The following LRIT1 variants were observed in gnomAD, a reference collection of about 807,000 sequenced individuals.
LRIT1 encodes the protein leucine rich repeat, Ig-like and transmembrane domains 1.
A neutral mutation model predicts 24.0 loss-of-function variants in LRIT1; 23 were observed. The ratio of observed to expected loss-of-function variants is 0.96; its 90% CI spans 0.69 to 1.36. LRIT1 has a LOEUF of 1.36. Among genes scored for constraint, LRIT1 ranks in the 40% most tolerant of loss-of-function variants. LRIT1 has a pLI of 0.00. For synonymous variants in LRIT1, 361 were observed against 340.5 expected (o/e 1.06, Z -0.66); for missense variants, 846 against 806.3 (o/e 1.05, Z -0.60).
In LRIT1 at chr10:84,232,077, T is replaced by C. The variant is rs1216735933; in HGVS notation, c.1722A>G (p.Leu574=). 1 of 1,614,192 alleles carries C rather than the reference T, an allele frequency of 6.2e-7. No individual in the cohort carries two copies. Among genetic ancestry groups the C allele is most frequent in the Non-Finnish European group, 8.5e-7 (1 of 1,180,032 alleles). The change falls in exon 4 of 4, where the codon CTA becomes CTG. Residue 574 remains leucine (L), a synonymous_variant. Transcript: ENST00000372105. Reference sequence around the variant, plus strand: ...CGTCCTCGCTGTAGCCCAGTCTCTCTAGGTTGACGTAGGTAACTGTGGCCT... The same window carrying C: ...CGTCCTCGCTGTAGCCCAGTCTCTCCAGGTTGACGTAGGTAACTGTGGCCT... ...STEATVTYVN[L]ERLGYSEDGL...
At chr10:84,237,766 C>G (rs1842664546) in intron 1 of LRIT1, 80 bp from the exon 2 acceptor site, 1 of 1,119,566 alleles carries the variant, frequency 8.9e-7, no homozygotes, top group Non-Finnish European at 1.3e-6. Flanking sequence ...CTTCGCGAGG[C>G]CTCCAGTTCT....
chr10:84,235,129 T>C (rs1347077518), intron 2 of LRIT1, among the ~76,000 whole-genome samples: 1 of 152,214 alleles, frequency 6.6e-6, no homozygotes, highest in Non-Finnish European at 1.5e-5. Context: ...TATGATGTTC[T>C]TTTAGTCCCC....
intron 1 of LRIT1, among the ~76,000 whole-genome samples, chr10:84,238,108 C>T (rs1842667437): frequency 6.6e-6 from 1 of 152,170 alleles, no homozygotes; most frequent in Admixed American, 6.5e-5. Flanking sequence ...AATCCCAGCA[C>T]TTTGGGAGGT....
Position 84,232,890 on chromosome 10 carries a change from G to T in LRIT1, c.909C>A (p.Val303=). 6.2e-7 allele frequency: 1 copy of T among 1,611,248 alleles called. No individual in the cohort carries two copies. The highest frequency in any genetic ancestry group is 8.5e-7 in the Non-Finnish European group (1 of 1,179,760). ...GAGTCCAGCTCGTGCCGTCACTGGA[G>T]ACTTCCTGGTGCACTAGGAGGAAAA... ...RPLNGTVHQE[V]SSDGTSWTLL... is the part of the protein sequence containing the mutation. Residue 303 remains valine (V), a synonymous_variant, in exon 4 of 4, where the codon GTC becomes GTA. Transcript: ENST00000372105.
At chr10:84,234,048 T>C in intron 3 of LRIT1, 25 bp downstream of exon 3, 1 of 1,457,998 alleles carries the variant, frequency 6.9e-7, no homozygotes, top group Non-Finnish European at 9.0e-7. Flanking sequence ...AGGTTCTCAG[T>C]GCAGCATCCC....
At chr10:84,234,429 T>G in intron 2 of LRIT1, 51 bp from the exon 3 acceptor site, 1 of 1,417,160 alleles carries the variant, frequency 7.1e-7, no homozygotes, top group Non-Finnish European at 9.5e-7. Context: ...CTCAACGTCC[T>G]CAGGCCCAGC....
chr10:84,239,478 A>G (rs1842676279), intron 1 of LRIT1, among the ~76,000 whole-genome samples: 1 of 152,210 alleles, frequency 6.6e-6, no homozygotes, highest in African/African-American at 2.4e-5. Flanking sequence ...TATTGCAAGG[A>G]GGAAGGTCTG....
rs778387578 is a variant in LRIT1 at position 84,232,682 on chromosome 10, C to G, written c.1117G>C (p.Ala373Pro). The G allele has an allele frequency of 1.9e-6, 3 of 1,613,660 alleles. No individual in the cohort carries two copies. Among genetic ancestry groups the G allele is most frequent in the Non-Finnish European group, 1.7e-6 (2 of 1,179,734 alleles). ...ARTGGGGEAA[A>P]YNNKLVARHV... ...CTGGCCACCAGCTTGTTGTTGTAAGCAGCAGCTTCCCCTCCGCCACCTGTC... is the reference window on the plus strand; with the variant it reads ...CTGGCCACCAGCTTGTTGTTGTAAGGAGCAGCTTCCCCTCCGCCACCTGTC... Residue 373 changes from alanine (A) to proline (P), a missense_variant, in exon 4 of 4, where the codon GCT becomes CCT. Transcript: ENST00000372105.
At chr10:84,236,006 C>T (rs954093772) in intron 2 of LRIT1, among the ~76,000 whole-genome samples, 1 of 151,242 alleles carries the variant, frequency 6.6e-6, no homozygotes, top group Non-Finnish European at 1.5e-5. Context: ...TGCACAAGAA[C>T]GTATTGCCGG....
chr10:84,232,177 A>T lies in LRIT1; in HGVS notation c.1622T>A (p.Leu541Gln), dbSNP rs772620124. The T allele has an allele frequency of 6.2e-7, 1 of 1,614,234 alleles. No homozygotes were observed. Among genetic ancestry groups the T allele is most frequent in the African/African-American group, 1.3e-5 (1 of 75,054 alleles). The part of the protein sequence containing the change: ...VVISVAIVIA[L>Q]PLTLLVCCSA... ...GCAGCAGACAAGCAGCGTGAGAGGC[A>T]GGGCAATGACGATGGCCACACTGAT... Residue 541 changes from leucine to glutamine, a missense_variant, in exon 4 of 4, where the codon CTG (leucine) becomes CAG (glutamine). Leu to Gln is a moderately radical substitution (Grantham distance 113, BLOSUM62 -2). Coordinates refer to ENST00000372105, the MANE Select transcript of LRIT1 (RefSeq NM_015613.3).
Position 84,232,160 on chromosome 10 carries a change from C to G in LRIT1, c.1639G>C (p.Val547Leu). 6.2e-7 allele frequency: 1 copy of G among 1,614,212 alleles called. No homozygotes were observed. The highest frequency in any genetic ancestry group is 8.5e-7 in the Non-Finnish European group (1 of 1,180,036). Reference sequence around the variant, plus strand: ...CGCTTCTGAAGAGCACTGCAGCAGACAAGCAGCGTGAGAGGCAGGGCAATG... The same window carrying G: ...CGCTTCTGAAGAGCACTGCAGCAGAGAAGCAGCGTGAGAGGCAGGGCAATG... ...IVIALPLTLL[V>L]CCSALQKRCR... is the part of the protein sequence containing the mutation. Residue 547 changes from valine (V) to leucine (L), a missense_variant, in exon 4 of 4, where the codon GTC becomes CTC. Coordinates refer to ENST00000372105, the MANE Select transcript of LRIT1 (RefSeq NM_015613.3).
intron 1 of LRIT1, among the ~76,000 whole-genome samples, chr10:84,240,117 A>G (rs987732578): frequency 6.6e-6 from 1 of 152,222 alleles, no homozygotes; most frequent in Non-Finnish European, 1.5e-5. Flanking sequence ...TGAAAACTGA[A>G]TCGGAATGCC....
chr10:84,234,532 C>A lies in LRIT1; in HGVS notation c.590-154G>T, dbSNP rs1057153640. 2.6e-5 allele frequency among the ~76,000 whole-genome samples: 4 copies of A among 152,146 alleles called. No homozygotes were observed. In the East Asian group the frequency reaches 7.7e-4, roughly 29 times the overall value. Reference sequence around the variant, plus strand: ...GCTCCTTGCCTTGCTAGTAGTATGACCTGAAATTTGATTTTTCTGTGTTAA... The same window carrying A: ...GCTCCTTGCCTTGCTAGTAGTATGAACTGAAATTTGATTTTTCTGTGTTAA... On this transcript the variant is annotated intron_variant, in intron 2 of 3. Coordinates refer to ENST00000372105, the MANE Select transcript of LRIT1 (RefSeq NM_015613.3).
At position 84,231,854 on chromosome 10, in the gene LRIT1, A is replaced by G; in HGVS notation, c.*73T>C. The G allele has an allele frequency of 6.6e-7, 1 of 1,510,086 alleles. No individual in the cohort carries two copies. The highest frequency in any genetic ancestry group is 1.4e-5 in the African/African-American group (1 of 72,940). 93.5% of individuals were successfully genotyped at this position (1,510,086 alleles called of 1,614,324 possible). ...GTACCCGAGCAGGTAAGAGTGGGTG[A>G]TCGTGTACTCAGGTGTCAGAGCTAA... On this transcript the variant is annotated 3_prime_UTR_variant, in exon 4 of 4. Transcript: ENST00000372105.
chr10:84,239,515 T>C (rs1842676568), intron 1 of LRIT1, among the ~76,000 whole-genome samples: 1 of 152,100 alleles, frequency 6.6e-6, no homozygotes. Flanking sequence ...AGACAGGTGA[T>C]TGGAAAACTT....
Position 84,232,550 on chromosome 10 carries a change from C to A in LRIT1, c.1249G>T (p.Glu417Ter). The A allele has an allele frequency of 6.2e-7, 1 of 1,614,218 alleles. No homozygotes were observed. Among genetic ancestry groups the A allele is most frequent in the Non-Finnish European group, 8.5e-7 (1 of 1,180,034 alleles). ...GGTCCTGCCCGCCCATCAGAGAGCT[C>A]TCCCAGGGCATCCATCTGGAAGTGC... ...LEHFQMDALG[E>*]LSDGRAGPSE... is the part of the protein sequence containing the mutation. Residue 417 changes from glutamate (E) to a stop codon, truncating the protein, a stop_gained, in exon 4 of 4, where the codon GAG becomes TAG. Coordinates refer to ENST00000372105, the MANE Select transcript of LRIT1 (RefSeq NM_015613.3). LOFTEE classifies it low-confidence loss of function (END_TRUNC).
Position 84,234,160 on chromosome 10 carries a change from T to C in LRIT1, c.808A>G (p.Thr270Ala). The change falls in exon 3 of 4, where the codon ACA becomes GCA. Residue 270 changes from threonine to alanine, a missense_variant. Coordinates refer to ENST00000372105, the MANE Select transcript of LRIT1 (RefSeq NM_015613.3). ...GTAGCTCCACAGCGTAGCAGTGCTGTGCCACCCAAAAGGGACCTGATGCTG... is the reference window on the plus strand; with the variant it reads ...GTAGCTCCACAGCGTAGCAGTGCTGCGCCACCCAAAAGGGACCTGATGCTG... The part of the protein sequence containing the change: ...VASIRSLLGG[T>A]ALLRCGATGV... 1 of 1,613,874 alleles carries C rather than the reference T, an allele frequency of 6.2e-7. No homozygotes were observed. Among genetic ancestry groups the C allele is most frequent in the East Asian group, 2.2e-5 (1 of 44,886 alleles).
At position 84,232,488 on chromosome 10, in the gene LRIT1, C is replaced by T; in HGVS notation, c.1311G>A (p.Val437=). The change falls in exon 4 of 4, where the codon GTG becomes GTA. Residue 437 remains valine (V), a synonymous_variant. Transcript: ENST00000372105. ...AGGACACGCTGTGGTAAGTGTCCCC[C>T]ACCACCTTCACAGACCTCACCATTC... The part of the protein sequence containing the change: ...EARMVRSVKV[V]GDTYHSVSLV... 2 of 1,614,162 alleles carry T rather than the reference C, an allele frequency of 1.2e-6. No individual in the cohort carries two copies. The highest frequency in any genetic ancestry group is 1.7e-6 in the Non-Finnish European group (2 of 1,180,028).
At chr10:84,235,159 T>C (rs1435189764) in intron 2 of LRIT1, among the ~76,000 whole-genome samples, 1 of 152,208 alleles carries the variant, frequency 6.6e-6, no homozygotes, top group Non-Finnish European at 1.5e-5. Context: ...TTGAATTTAA[T>C]AGTATATCTA....
Sources: gnomAD v4.1 joint callset for allele counts (sites outside exome capture counted in the v4.1 genomes callset) on GRCh38, gnomAD v4.1.1 for gene constraint, MANE v1.5 for transcripts, NCBI Gene and HGNC (gene_info 2026-07-23, HGNC 2026-07-21) for gene names.